The following RIMS1 variants were observed in gnomAD, a reference collection of about 807,000 sequenced individuals.
The protein encoded by RIMS1 is regulating synaptic membrane exocytosis 1.
Under a neutral mutation model 214.1 loss-of-function variants are expected in RIMS1, and 83 were observed. The observed-to-expected ratio is 0.39, with a 90% CI of 0.32 to 0.47. The LOEUF (loss-of-function observed/expected upper bound fraction) is 0.47, where lower values mean the gene tolerates loss of function less well. RIMS1 is among the 20% of genes least tolerant of loss of function. The pLI is 0.99. For missense variants in RIMS1, 2,050 were observed against 2,161.8 expected (o/e 0.95, Z 1.03); for synonymous variants, 793 against 786.8 (o/e 1.01, Z -0.13).
chr6:72,369,356 G>A (rs904535217), intron 29 of RIMS1, among the ~76,000 whole-genome samples: 2 of 152,022 alleles, frequency 1.3e-5, no homozygotes, highest in African/African-American at 4.8e-5. Flanking sequence ...TTCATAGGAG[G>A]CCGGTTGGGT....
Position 71,893,347 on chromosome 6 carries a change from C to T in RIMS1, c.164+6160C>T, listed in dbSNP as rs143044315. Among the ~76,000 whole-genome samples the T allele has an allele frequency of 1.1e-3, 170 of 151,476 alleles. 2 individuals carry two copies. In the Middle Eastern group the frequency reaches 0.024, roughly 21 times the overall value. On this transcript the variant is annotated intron_variant, in intron 1 of 33. Transcript: ENST00000521978. The stretch of plus-strand genomic sequence containing the variant: ...TTTTTTCCCCTCTCATTAAATAGCT[C>T]GTACATGTTTTTAGCACAAAAAGCA...
At chr6:72,251,415 G>T (rs749114674) in intron 15 of RIMS1, 47 bp downstream of exon 15, 6 of 1,326,694 alleles carry the variant, frequency 4.5e-6, no homozygotes, top group Non-Finnish European at 6.1e-6. Flanking sequence ...ATGCTGTAAT[G>T]ATCTAATTAG....
chr6:72,027,117 G>T (rs1393847511), intron 2 of RIMS1, among the ~76,000 whole-genome samples: 4 of 151,986 alleles, frequency 2.6e-5, no homozygotes, highest in Non-Finnish European at 5.9e-5. Context: ...GGACAGGCAA[G>T]ACTTTTTTTA....
chr6:72,196,581 T>G (rs935907628), intron 6 of RIMS1, among the ~76,000 whole-genome samples: 1 of 52,408 alleles, frequency 1.9e-5, no homozygotes, highest in African/African-American at 5.5e-5. Context: ...CCAGCTGCAC[T>G]TTTTTTTTTT....
intron 6 of RIMS1, among the ~76,000 whole-genome samples, chr6:72,188,901 C>G (rs908090833): frequency 6.6e-6 from 1 of 152,176 alleles, no homozygotes; most frequent in African/African-American, 2.4e-5. Flanking sequence ...TCACCCAAGC[C>G]AACACTGCAA....
rs867637675 is a variant in RIMS1, at chr6:72,148,720, T to C, written c.472-30855T>C. 2.0e-4 allele frequency: 85 copies of C among 434,198 alleles called. 3 individuals are homozygous for C. Among genetic ancestry groups the C allele is most frequent in the African/African-American group, 1.3e-3 (65 of 48,282 alleles). 26.9% of individuals were successfully genotyped at this position (434,198 alleles called of 1,614,324 possible). On this transcript the variant is annotated intron_variant, in intron 4 of 33. Transcript: ENST00000521978. ...GGGTTTGCGGAGACTTGGGTTTTTT[T>C]TTTTTTTTCTAGGGCTTCAATCGAA...
At chr6:72,184,763 G>GGA (rs1554264376) in intron 6 of RIMS1, among the ~76,000 whole-genome samples, 66 of 137,234 alleles carry the variant, frequency 4.8e-4, no homozygotes, top group East Asian at 2.4e-3. Context: ...TTTATTCTGG[G>GGA]AAAAAAAAAA....
At chr6:72,091,960 G>A (rs1836347804) in intron 2 of RIMS1, among the ~76,000 whole-genome samples, 1 of 152,152 alleles carries the variant, frequency 6.6e-6, no homozygotes, top group Non-Finnish European at 1.5e-5. Flanking sequence ...AATAAAATAT[G>A]TATTTCCATT....
chr6:71,946,031 A>G (rs900711793), intron 1 of RIMS1, among the ~76,000 whole-genome samples: 1 of 126,410 alleles, frequency 7.9e-6, no homozygotes, highest in Non-Finnish European at 1.8e-5. Context: ...AGCAAAATCC[A>G]AAAGAGAAAT....
intron 29 of RIMS1, among the ~76,000 whole-genome samples, chr6:72,379,286 C>T (rs372086698): frequency 1.3e-5 from 2 of 152,330 alleles, no homozygotes; most frequent in South Asian, 2.1e-4. Flanking sequence ...GACTAGGCTT[C>T]GCCAGCTTCA....
intron 26 of RIMS1, among the ~76,000 whole-genome samples, chr6:72,302,142 A>G (rs1157163010): frequency 6.6e-6 from 1 of 151,572 alleles, no homozygotes; most frequent in African/African-American, 2.4e-5. Context: ...AATTGATCAA[A>G]GGAACATTGA....
intron 23 of RIMS1, among the ~76,000 whole-genome samples, chr6:72,275,404 G>A (rs1250124648): frequency 1.3e-5 from 2 of 151,296 alleles, no homozygotes; most frequent in Admixed American, 6.6e-5. Flanking sequence ...CTAGTTAACC[G>A]TGACACAATT....
intron 29 of RIMS1, among the ~76,000 whole-genome samples, chr6:72,379,568 G>C (rs981390609): frequency 6.6e-6 from 1 of 152,204 alleles, no homozygotes; most frequent in Non-Finnish European, 1.5e-5. Flanking sequence ...AATGGAGCAA[G>C]GAGAATTGGC....
chr6:71,903,557 T>C (rs562374182), intron 1 of RIMS1, among the ~76,000 whole-genome samples: 20 of 152,126 alleles, frequency 1.3e-4, no homozygotes, highest in African/African-American at 4.3e-4. Flanking sequence ...ATGATCAGAG[T>C]GAACAGACAG....
intron 26 of RIMS1, among the ~76,000 whole-genome samples, chr6:72,293,714 G>C (rs919050126): frequency 6.6e-6 from 1 of 151,706 alleles, no homozygotes; most frequent in Non-Finnish European, 1.5e-5. Context: ...GTAGAAATAA[G>C]AATTCCTTCC....
At chr6:72,374,730 G>A (rs1224398574) in intron 29 of RIMS1, among the ~76,000 whole-genome samples, 1 of 152,044 alleles carries the variant, frequency 6.6e-6, no homozygotes, top group Non-Finnish European at 1.5e-5. Flanking sequence ...GATGATTTCA[G>A]GATGATTAAA....
chr6:71,925,244 T>A (rs897951361), intron 1 of RIMS1, among the ~76,000 whole-genome samples: 1 of 152,226 alleles, frequency 6.6e-6, no homozygotes, highest in Non-Finnish European at 1.5e-5. Flanking sequence ...TGACTCCGTC[T>A]GACCTTATCC....
At chr6:72,069,789 A>C (rs17780596) in intron 2 of RIMS1, among the ~76,000 whole-genome samples, 1,762 of 152,294 alleles carry the variant, frequency 0.012, 11 homozygotes, top group Non-Finnish European at 0.018. Context: ...TGAAAAGTTC[A>C]TCTTAGATCA....
rs1832987 is a variant in RIMS1 at position 71,906,732 on chromosome 6, C to T, written c.164+19545C>T. Among the ~76,000 whole-genome samples the T allele has an allele frequency of 9.8e-3, 1,487 of 152,192 alleles. 27 individuals carry two copies. Among genetic ancestry groups the T allele is most frequent in the African/African-American group, 0.034 (1,396 of 41,520 alleles). On this transcript the variant is annotated intron_variant, in intron 1 of 33. Coordinates refer to ENST00000521978, the MANE Select transcript of RIMS1 (RefSeq NM_014989.7). Reference sequence around the variant, plus strand: ...CTTTTACTATATGATCCTGATAGGTCATTTAAACCCCTCCCAATTGTCTTA... The same window carrying T: ...CTTTTACTATATGATCCTGATAGGTTATTTAAACCCCTCCCAATTGTCTTA...
Sources: gnomAD v4.1 joint callset for allele counts (sites outside exome capture counted in the v4.1 genomes callset) on GRCh38, gnomAD v4.1.1 for gene constraint, MANE v1.5 for transcripts, NCBI Gene and HGNC (gene_info 2026-07-23, HGNC 2026-07-21) for gene names.